Variants in MACC1 observed in about 807,000 individuals in gnomAD.
The protein encoded by MACC1 is MET transcriptional regulator MACC1, also known as metastasis-associated in colon cancer protein 1.
In MACC1, 79 loss-of-function variants were observed where a neutral mutation model predicts 70.7. The observed-to-expected ratio is 1.12, with a 90% CI of 0.93 to 1.35. MACC1 has a LOEUF of 1.35. MACC1 is among the 40% of genes most tolerant of loss of function. MACC1 has a pLI of 0.00. For synonymous variants in MACC1, 361 were observed against 347.2 expected (o/e 1.04, Z -0.44); for missense variants, 1,106 against 978.1 (o/e 1.13, Z -1.74).
chr7:20,155,260 A>T (rs2128102078), intron 5 of MACC1, among the ~76,000 whole-genome samples: 1 of 152,336 alleles, frequency 6.6e-6, no homozygotes, highest in African/African-American at 2.4e-5. Flanking sequence ...AATCCAAAGG[A>T]GTCACATTTC....
intron 1 of MACC1, among the ~76,000 whole-genome samples, chr7:20,205,124 A>G (rs552933957): frequency 6.6e-6 from 1 of 152,334 alleles, no homozygotes; most frequent in South Asian, 2.1e-4. Context: ...AGAAAGTCTC[A>G]TAAAGTTTTA....
rs1781701470 is a variant in MACC1 at position 20,135,005 on chromosome 7, A to C, written c.*5941T>G. On this transcript the variant is annotated 3_prime_UTR_variant, in exon 7 of 7. Coordinates refer to ENST00000400331, the MANE Select transcript of MACC1 (RefSeq NM_182762.4). The stretch of plus-strand genomic sequence containing the variant: ...CCGATCACCTTATTAACACTTTCTA[A>C]TTCTACAGTGAAAGCAGGGCATATA... 1 of 152,242 alleles carries C rather than the reference A, an allele frequency of 6.6e-6. No individual in the cohort carries two copies. The highest frequency in any genetic ancestry group is 1.5e-5 in the Non-Finnish European group (1 of 68,038). The allele number at this position is 152,242 out of a possible 1,614,324, so 9.4% of individuals were successfully genotyped here.
In MACC1 at chr7:20,200,692, C is replaced by T. The variant is rs529607816; in HGVS notation, c.-218+16607G>A. On this transcript the variant is annotated intron_variant, in intron 1 of 6. Coordinates refer to ENST00000400331, the MANE Select transcript of MACC1 (RefSeq NM_182762.4). ...CAGAAGAAATCTTTTCACTGATGCA[C>T]AGTCAGATACCTGAGATATCCCCCA... 6.6e-5 allele frequency among the ~76,000 whole-genome samples: 10 copies of T among 152,292 alleles called. No individual in the cohort carries two copies. In the East Asian group the frequency reaches 1.5e-3, roughly 24 times the overall value.
rs1366991654 is a variant in MACC1, at chr7:20,135,950, T to C, written c.*4996A>G. The C allele has an allele frequency of 1.3e-5, 2 of 152,226 alleles. No individual in the cohort carries two copies. The highest frequency in any genetic ancestry group is 4.8e-5 in the African/African-American group (2 of 41,458). 9.4% of individuals were successfully genotyped at this position (152,226 alleles called of 1,614,324 possible). A position where few individuals can be genotyped will look rare whatever the true frequency, so the allele number is the denominator to read the frequency against. On this transcript the variant is annotated 3_prime_UTR_variant, in exon 7 of 7. Transcript: ENST00000400331. ...TTATGTATGTGTGCTAAATGTGCTA[T>C]GCCTTACACATAGAGGACACAATTT...
At chr7:20,154,008 A>G (rs1415788191) in intron 6 of MACC1, among the ~76,000 whole-genome samples, 185 bp downstream of exon 6, 1 of 152,138 alleles carries the variant, frequency 6.6e-6, no homozygotes, top group Non-Finnish European at 1.5e-5. Context: ...AGGGCTCTCA[A>G]TGCCTTTTAA....
intron 1 of MACC1, among the ~76,000 whole-genome samples, chr7:20,196,772 A>G (rs901875650): frequency 5.9e-5 from 9 of 152,134 alleles, no homozygotes; most frequent in African/African-American, 2.2e-4. Context: ...TTCTCAAATG[A>G]AATATGCCCC....
At chr7:20,216,063 T>C (rs1783065689) in intron 1 of MACC1, among the ~76,000 whole-genome samples, 2 of 152,154 alleles carry the variant, frequency 1.3e-5, no homozygotes, top group South Asian at 2.1e-4. Flanking sequence ...AAGATAATCA[T>C]GTAATTAAGT....
intron 6 of MACC1, among the ~76,000 whole-genome samples, chr7:20,144,531 G>A (rs1382031463): frequency 2.0e-5 from 3 of 151,998 alleles, no homozygotes; most frequent in Admixed American, 6.6e-5. Context: ...ATAAAATATG[G>A]ATAATCATTC....
At position 20,206,456 on chromosome 7, in the gene MACC1, T is replaced by A. The variant is rs573568670; in HGVS notation, c.-218+10843A>T. On this transcript the variant is annotated intron_variant, in intron 1 of 6. Coordinates refer to ENST00000400331, the MANE Select transcript of MACC1 (RefSeq NM_182762.4). Reference sequence around the variant, plus strand: ...TTGTCCTTATTCACTCTACCTTCCATTGGGATTTTCTCCTGTTTCTCTGAT... The same window carrying A: ...TTGTCCTTATTCACTCTACCTTCCAATGGGATTTTCTCCTGTTTCTCTGAT... 3.3e-5 allele frequency among the ~76,000 whole-genome samples: 5 copies of A among 152,330 alleles called. No homozygotes were observed. The East Asian group carries it at 9.6e-4, about 29-fold the overall frequency.
At position 20,158,871 on chromosome 7, in the gene MACC1, AC is replaced by A; in HGVS notation, c.1489del (p.Val497LeufsTer15). The A allele has an allele frequency of 6.2e-7, 1 of 1,614,126 alleles. No homozygotes were observed. The highest frequency in any genetic ancestry group is 8.5e-7 in the Non-Finnish European group (1 of 1,180,024). ...VQVEPPNGEP[V>X]AQFSITTPDP... is the part of the protein sequence containing the mutation. ...AGGAGTAGTGATAGAGAACTGTGCAACTGGTTCACCATTGGGAGGCTCCACT... is the reference window on the plus strand; with the variant it reads ...AGGAGTAGTGATAGAGAACTGTGCAATGGTTCACCATTGGGAGGCTCCACT... On this transcript the variant is annotated frameshift_variant, in exon 5 of 7. Coordinates refer to ENST00000400331, the MANE Select transcript of MACC1 (RefSeq NM_182762.4). LOFTEE classifies it high-confidence loss of function.
intron 1 of MACC1, among the ~76,000 whole-genome samples, chr7:20,190,876 T>C (rs1418452498): frequency 2.0e-5 from 3 of 152,224 alleles, no homozygotes; most frequent in Non-Finnish European, 4.4e-5. Context: ...TTCTGTTTTG[T>C]AAAAATACAA....
chr7:20,167,238 C>G (rs1782234642), intron 2 of MACC1, among the ~76,000 whole-genome samples: 1 of 151,756 alleles, frequency 6.6e-6, no homozygotes, highest in African/African-American at 2.4e-5. Flanking sequence ...CTCTGTCGCC[C>G]AGGCTGGAGT....
At chr7:20,209,199 A>T (rs192662613) in intron 1 of MACC1, among the ~76,000 whole-genome samples, 1 of 152,352 alleles carries the variant, frequency 6.6e-6, no homozygotes, top group Admixed American at 6.5e-5. Flanking sequence ...GGCACTGCCC[A>T]GTGGAGCTGT....
intron 1 of MACC1, among the ~76,000 whole-genome samples, chr7:20,208,050 A>G (rs549831959): frequency 4.1e-4 from 62 of 152,288 alleles, no homozygotes; most frequent in African/African-American, 1.4e-3. Flanking sequence ...GCTGGGACTC[A>G]TCCTTTCTCC....
chr7:20,141,192 G>A (rs1562578599), intron 6 of MACC1, 34 bp from the exon 7 acceptor site: 1 of 1,416,808 alleles, frequency 7.1e-7, no homozygotes, highest in Non-Finnish European at 9.6e-7. Context: ...GAGTAGTGTG[G>A]AAGTAGAAAG....
chr7:20,188,550 C>T (rs1270814106), intron 1 of MACC1, among the ~76,000 whole-genome samples: 3 of 152,140 alleles, frequency 2.0e-5, no homozygotes, highest in Admixed American at 2.0e-4. Flanking sequence ...CTTTGCCTTT[C>T]CTCCTTTCTT....
At chr7:20,176,991 C>G (rs1294890377) in intron 1 of MACC1, among the ~76,000 whole-genome samples, 2 of 151,666 alleles carry the variant, frequency 1.3e-5, no homozygotes, top group Non-Finnish European at 2.9e-5. Flanking sequence ...GGTTTTGTAT[C>G]TTAATAGCAC....
At chr7:20,191,707 C>T (rs1045314854) in intron 1 of MACC1, among the ~76,000 whole-genome samples, 3 of 152,196 alleles carry the variant, frequency 2.0e-5, no homozygotes, top group Non-Finnish European at 4.4e-5. Context: ...TCATTTTATC[C>T]TTCCCTTTCC....
At chr7:20,189,279 T>C (rs1028732865) in intron 1 of MACC1, among the ~76,000 whole-genome samples, 1 of 152,242 alleles carries the variant, frequency 6.6e-6, no homozygotes, top group Non-Finnish European at 1.5e-5. Context: ...GACTTATTTA[T>C]TTTATGTCCT....
Sources: gnomAD v4.1 joint callset for allele counts (sites outside exome capture counted in the v4.1 genomes callset) on GRCh38, gnomAD v4.1.1 for gene constraint, MANE v1.5 for transcripts, NCBI Gene and HGNC (gene_info 2026-07-23, HGNC 2026-07-21) for gene names.